Variants in LRRC4C observed in about 807,000 individuals in gnomAD.
LRRC4C encodes the protein leucine rich repeat containing 4C.
In LRRC4C, 5 loss-of-function variants were observed where a neutral mutation model predicts 33.6. The observed-to-expected ratio is 0.15, with a 90% confidence interval of 0.08 to 0.31. The LOEUF (loss-of-function observed/expected upper bound fraction) is 0.31, where lower values mean the gene tolerates loss of function less well. Among genes scored for constraint, LRRC4C ranks in the 10% least tolerant of loss-of-function variants. LRRC4C has a pLI of 1.00. For synonymous variants in LRRC4C, 329 were observed against 302.0 expected, an observed-to-expected ratio of 1.09 and a Z score of -0.93; for missense variants, 560 against 796.7, an observed-to-expected ratio of 0.70 and a Z score of 3.58.
intron 5 of LRRC4C, among the ~76,000 whole-genome samples, chr11:40,219,943 C>T (rs1202548032): frequency 1.3e-5 from 2 of 152,146 alleles, no homozygotes; most frequent in Non-Finnish European, 2.9e-5. Context: ...GATGTGTTAA[C>T]TTGCTTCTTT....
chr11:40,426,405 C>T (rs988011046), intron 3 of LRRC4C, among the ~76,000 whole-genome samples: 2 of 151,754 alleles, frequency 1.3e-5, no homozygotes, highest in Non-Finnish European at 2.9e-5. Context: ...TCTGTGCTTG[C>T]ACCTTTAGGG....
At chr11:41,356,285 C>T (rs1952158391) in intron 1 of LRRC4C, among the ~76,000 whole-genome samples, 1 of 152,064 alleles carries the variant, frequency 6.6e-6, no homozygotes, top group African/African-American at 2.4e-5. Context: ...ACAATTTGCC[C>T]TCTTGATTTT....
chr11:40,504,853 C>A (rs1590942257), intron 3 of LRRC4C, among the ~76,000 whole-genome samples: 1 of 152,224 alleles, frequency 6.6e-6, no homozygotes, highest in South Asian at 2.1e-4. Flanking sequence ...TTTTCTGGCT[C>A]TGTCTTAGAT....
chr11:40,532,412 C>T (rs1956307116), intron 3 of LRRC4C, among the ~76,000 whole-genome samples: 1 of 151,712 alleles, frequency 6.6e-6, no homozygotes, highest in Non-Finnish European at 1.5e-5. Flanking sequence ...TAAATTCAAT[C>T]TATAGACCAT....
At chr11:41,298,735 T>C (rs1348704482) in intron 1 of LRRC4C, among the ~76,000 whole-genome samples, 1 of 152,220 alleles carries the variant, frequency 6.6e-6, no homozygotes, top group Non-Finnish European at 1.5e-5. Flanking sequence ...TTTGTATGAC[T>C]ATTACCCAAA....
chr11:40,737,474 C>T (rs567658571), intron 2 of LRRC4C, among the ~76,000 whole-genome samples: 8 of 152,222 alleles, frequency 5.3e-5, no homozygotes, highest in South Asian at 4.1e-4. Context: ...AAAACTCCAT[C>T]GTCTCAGCCC....
chr11:40,271,767 T>A (rs1172495077), intron 4 of LRRC4C, among the ~76,000 whole-genome samples: 1 of 152,196 alleles, frequency 6.6e-6, no homozygotes, highest in Non-Finnish European at 1.5e-5. Context: ...GAAGAACTCT[T>A]GTGTGGCTCA....
intron 1 of LRRC4C, among the ~76,000 whole-genome samples, chr11:41,348,437 T>C (rs1951868369): frequency 6.6e-6 from 1 of 151,766 alleles, no homozygotes; most frequent in Non-Finnish European, 1.5e-5. Flanking sequence ...CTACCAGAGA[T>C]TTAATATAAT....
chr11:41,270,224 A>T (rs1167945160), intron 1 of LRRC4C, among the ~76,000 whole-genome samples: 1 of 151,778 alleles, frequency 6.6e-6, no homozygotes, highest in Non-Finnish European at 1.5e-5. Flanking sequence ...TTTCCTTCAT[A>T]CTCCTTCAGT....
At chr11:40,910,243 G>A (rs180814173) in intron 2 of LRRC4C, among the ~76,000 whole-genome samples, 42 of 152,072 alleles carry the variant, frequency 2.8e-4, no homozygotes, top group Admixed American at 1.4e-3. Flanking sequence ...ATAAGAGATG[G>A]AAAAATAACA....
chr11:40,977,875 G>A (rs1009951699), intron 1 of LRRC4C, among the ~76,000 whole-genome samples: 5 of 152,272 alleles, frequency 3.3e-5, no homozygotes, highest in African/African-American at 9.6e-5. Flanking sequence ...GATTCTGAGG[G>A]TGTGCTGAAG....
chr11:40,620,483 CTTTGATTCAAT>C (rs1962348122), intron 3 of LRRC4C, among the ~76,000 whole-genome samples: 3 of 151,658 alleles, frequency 2.0e-5, no homozygotes, highest in Admixed American at 1.3e-4. Flanking sequence ...CCCTGAATTT[CTTTGATTCAAT>C]TGGTATTATA....
chr11:41,211,859 C>T (rs1419945810), intron 1 of LRRC4C, among the ~76,000 whole-genome samples: 1 of 152,104 alleles, frequency 6.6e-6, no homozygotes, highest in Non-Finnish European at 1.5e-5. Flanking sequence ...AATGGGATGG[C>T]TGGGTCAAAT....
intron 1 of LRRC4C, among the ~76,000 whole-genome samples, chr11:40,966,957 C>A (rs1851406272): frequency 6.6e-6 from 1 of 151,946 alleles, no homozygotes; most frequent in South Asian, 2.1e-4. Flanking sequence ...GTCTCAAGAG[C>A]CACATGAGGT....
At chr11:41,066,405 T>A (rs1938240872) in intron 1 of LRRC4C, among the ~76,000 whole-genome samples, 1 of 151,924 alleles carries the variant, frequency 6.6e-6, no homozygotes, top group South Asian at 2.1e-4. Context: ...CTCCAAGAAA[T>A]ATGGGATTAT....
At chr11:41,150,658 T>C (rs1403403431) in intron 1 of LRRC4C, among the ~76,000 whole-genome samples, 6 of 151,786 alleles carry the variant, frequency 4.0e-5, no homozygotes, top group Non-Finnish European at 5.9e-5. Flanking sequence ...GGTGTGGTGA[T>C]GCTTGCCTAT....
intron 1 of LRRC4C, among the ~76,000 whole-genome samples, chr11:41,447,040 C>T (rs1955847276): frequency 1.3e-5 from 2 of 152,146 alleles, no homozygotes; most frequent in African/African-American, 2.4e-5. Flanking sequence ...AGTAGGCCAT[C>T]GTTTTAATTA....
chr11:40,231,533 A>C (rs1475117226), intron 5 of LRRC4C, among the ~76,000 whole-genome samples: 1 of 152,168 alleles, frequency 6.6e-6, no homozygotes, highest in Admixed American at 6.5e-5. Flanking sequence ...AAATTTATTA[A>C]ATGCATATTT....
chr11:40,640,576 C>A (rs1375942541), intron 3 of LRRC4C, among the ~76,000 whole-genome samples: 1 of 151,954 alleles, frequency 6.6e-6, no homozygotes, highest in African/African-American at 2.4e-5. Flanking sequence ...CAATAGGAAT[C>A]TCTCCTCCTA....
Sources: allele counts gnomAD v4.1 joint callset (sites outside exome capture counted in the v4.1 genomes callset), GRCh38; gene constraint gnomAD v4.1.1; transcripts MANE v1.5; gene names NCBI Gene and HGNC (gene_info 2026-07-23, HGNC 2026-07-21).